Variants in FECH observed in about 807,000 individuals in gnomAD.
FECH encodes ferrochelatase.
FECH carries 40 observed loss-of-function variants against 56.9 expected under a neutral mutation model. That is an observed-to-expected ratio of 0.70 (90% CI 0.55 to 0.92). FECH has a LOEUF of 0.92. FECH is among the 40% of genes least tolerant of loss of function. The pLI is 0.00. For missense variants in FECH, 431 were observed against 529.1 expected, an observed-to-expected ratio of 0.81 and a Z score of 1.82; for synonymous variants, 175 against 198.6, an observed-to-expected ratio of 0.88 and a Z score of 1.00.
At chr18:57,555,017 A>C (rs542677284) in intron 7 of FECH, 65 bp from the exon 8 acceptor site, 1 of 1,232,562 alleles carries the variant, frequency 8.1e-7, no homozygotes, top group African/African-American at 1.5e-5. Context: ...GCCTCTGACT[A>C]TGTGCTGACA....
In FECH at chr18:57,586,652, C is replaced by A; in HGVS notation, c.-32G>T. On this transcript the variant is annotated 5_prime_UTR_variant, in exon 1 of 11. Transcript: ENST00000262093. ...GGCAGCCTCGGCCCGAGTCCGGGCT[C>A]CTCCCGCGGCGGCGCGCCCAGGTGT... The A allele has an allele frequency of 1.3e-6, 2 of 1,489,068 alleles. No homozygotes were observed. The highest frequency in any genetic ancestry group is 1.3e-5 in the South Asian group (1 of 79,800). The allele number at this position is 1,489,068 out of a possible 1,614,324, so 92.2% of individuals were successfully genotyped here. A position where few individuals can be genotyped will look rare whatever the true frequency, so the allele number is the denominator to read the frequency against.
rs1222775703 is a variant in FECH, at chr18:57,547,743, C to A, written c.*2969G>T. Among the ~76,000 whole-genome samples the A allele has an allele frequency of 1.3e-5, 2 of 152,122 alleles. No homozygotes were observed. Among genetic ancestry groups the A allele is most frequent in the Non-Finnish European group, 2.9e-5 (2 of 68,018 alleles). On this transcript the variant is annotated 3_prime_UTR_variant, in exon 11 of 11. Coordinates refer to ENST00000262093, the MANE Select transcript of FECH (RefSeq NM_000140.5). Reference sequence around the variant, plus strand: ...AAACTGCTGGGCTCAAGCAATCCTACCACCTCAGCCTCCTAAGTAGCTGGA... The same window carrying A: ...AAACTGCTGGGCTCAAGCAATCCTAACACCTCAGCCTCCTAAGTAGCTGGA...
At chr18:57,574,769 G>A (rs76631345) in intron 2 of FECH, among the ~76,000 whole-genome samples, 81 of 152,312 alleles carry the variant, frequency 5.3e-4, no homozygotes, top group African/African-American at 1.9e-3. Context: ...CAATAACTGG[G>A]GAACTAAAGA....
intron 3 of FECH, among the ~76,000 whole-genome samples, chr18:57,571,844 G>GT (rs1252396167): frequency 6.6e-6 from 1 of 152,144 alleles, no homozygotes; most frequent in Non-Finnish European, 1.5e-5. Flanking sequence ...AGCTACTAGC[G>GT]TAACACATTT....
At position 57,550,342 on chromosome 18, in the gene FECH, G is replaced by T; in HGVS notation, c.*370C>A. On this transcript the variant is annotated 3_prime_UTR_variant, in exon 11 of 11. Transcript: ENST00000262093. ...AGACTAAACAGATCTCATTCACACT[G>T]CCAGCCCACAGAGGGGACTCTCCGT... 1 of 236,244 alleles carries T rather than the reference G, an allele frequency of 4.2e-6. No homozygotes were observed. The highest frequency in any genetic ancestry group is 8.5e-6 in the Non-Finnish European group (1 of 117,840). 14.6% of individuals were successfully genotyped at this position (236,244 alleles called of 1,614,324 possible). A position where few individuals can be genotyped will look rare whatever the true frequency, so the allele number is the denominator to read the frequency against.
At chr18:57,571,306 A>G in intron 4 of FECH, 86 bp downstream of exon 4, 1 of 1,395,750 alleles carries the variant, frequency 7.2e-7, no homozygotes, top group Non-Finnish European at 1.0e-6. Flanking sequence ...GTACATATGA[A>G]GCATTTAGCA....
chr18:57,555,012 T>G, intron 7 of FECH, 60 bp from the exon 8 acceptor site: 1 of 1,323,122 alleles, frequency 7.6e-7, no homozygotes. Flanking sequence ...CGAGAGCCTC[T>G]GACTATGTGC....
intron 2 of FECH, among the ~76,000 whole-genome samples, chr18:57,575,308 T>A (rs1248154540): frequency 6.6e-6 from 1 of 152,090 alleles, no homozygotes; most frequent in Non-Finnish European, 1.5e-5. Flanking sequence ...CGCTGAGGGG[T>A]CTACTTCCTG....
intron 5 of FECH, among the ~76,000 whole-genome samples, chr18:57,563,969 C>T (rs905024642): frequency 2.6e-5 from 4 of 152,182 alleles, no homozygotes; most frequent in Non-Finnish European, 4.4e-5. Context: ...ACCTCCAACT[C>T]TTGGGTTCAA....
chr18:57,579,313 G>GTGTGTGTATATA lies in FECH; in HGVS notation c.194+759_194+760insTATATACACACA, dbSNP rs531089366. 2.0e-3 allele frequency among the ~76,000 whole-genome samples: 294 copies of GTGTGTGTATATA among 143,810 alleles called. 1 individual carries two copies. Among genetic ancestry groups the GTGTGTGTATATA allele is most frequent in the African/African-American group, 7.1e-3 (270 of 38,078 alleles). 94.3% of individuals were successfully genotyped at this position (143,810 alleles called of 152,430 possible). On this transcript the variant is annotated intron_variant, in intron 2 of 10. Coordinates refer to ENST00000262093, the MANE Select transcript of FECH (RefSeq NM_000140.5). ...TATGTGTGTGTGTGTGTGTGTGTGT[G>GTGTGTGTATATA]TATATATTCATACCTGTATAATTTT...
intron 4 of FECH, among the ~76,000 whole-genome samples, chr18:57,568,763 T>C (rs987602409): frequency 1.3e-5 from 2 of 152,244 alleles, no homozygotes. Flanking sequence ...TAATTTAGCA[T>C]GTACAATAGT....
chr18:57,553,176 T>C (rs1465495170), intron 9 of FECH, among the ~76,000 whole-genome samples: 1 of 152,228 alleles, frequency 6.6e-6, no homozygotes, highest in South Asian at 2.1e-4. Context: ...GCCAAGCTCA[T>C]AGTGAGATAC....
At chr18:57,551,771 T>C (rs2050801565) in intron 9 of FECH, among the ~76,000 whole-genome samples, 1 of 152,240 alleles carries the variant, frequency 6.6e-6, no homozygotes, top group South Asian at 2.1e-4. Flanking sequence ...TATAGTTTCA[T>C]ACTTGTTTTG....
intron 9 of FECH, among the ~76,000 whole-genome samples, chr18:57,551,717 T>C (rs980764627): frequency 6.6e-6 from 1 of 152,222 alleles, no homozygotes. Context: ...CTTTTGCTAG[T>C]GCATAATTTT....
intron 4 of FECH, among the ~76,000 whole-genome samples, chr18:57,568,334 G>C (rs35555052): frequency 0.22 from 32,863 of 152,142 alleles, 3,826 homozygotes; most frequent in Non-Finnish European, 0.26. Context: ...ATAAAGACAA[G>C]GGCAGGTGGC....
chr18:57,585,419 G>A (rs1378637918), intron 1 of FECH, among the ~76,000 whole-genome samples: 1 of 152,056 alleles, frequency 6.6e-6, no homozygotes, highest in African/African-American at 2.4e-5. Context: ...TCAAATCTAG[G>A]ACCTGTCAGA....
At chr18:57,556,158 CAA>C (rs2050865137) in intron 7 of FECH, among the ~76,000 whole-genome samples, 1 of 151,958 alleles carries the variant, frequency 6.6e-6, no homozygotes, top group Non-Finnish European at 1.5e-5. Flanking sequence ...TATATACTGA[CAA>C]ATTATTTTAT....
rs1296447007 is a variant in FECH, at chr18:57,546,160, C to T, written c.*4552G>A. On this transcript the variant is annotated 3_prime_UTR_variant, in exon 11 of 11. Transcript: ENST00000262093. ...TAACGTTAGGAGCCCTGTTCCTGGG[C>T]CACCTTCAGGATTCTGGCAGAAGGG... is the stretch of plus-strand genomic sequence containing the variant. Among the ~76,000 whole-genome samples the T allele has an allele frequency of 4.6e-5, 7 of 152,126 alleles. No individual in the cohort carries two copies. The highest frequency in any genetic ancestry group is 3.9e-4 in the Admixed American group (6 of 15,278).
At position 57,586,666 on chromosome 18, in the gene FECH, G is replaced by A. The variant is rs1407412455; in HGVS notation, c.-46C>T. 2 of 1,474,700 alleles carry A rather than the reference G, an allele frequency of 1.4e-6. No individual in the cohort carries two copies. Among genetic ancestry groups the A allele is most frequent in the Non-Finnish European group, 1.8e-6 (2 of 1,114,626 alleles). 91.4% of individuals were successfully genotyped at this position (1,474,700 alleles called of 1,614,324 possible). On this transcript the variant is annotated 5_prime_UTR_variant, in exon 1 of 11. Coordinates refer to ENST00000262093, the MANE Select transcript of FECH (RefSeq NM_000140.5). ...GAGTCCGGGCTCCTCCCGCGGCGGC[G>A]CGCCCAGGTGTCCGCCCAGCAGTGG...
Sources: allele counts gnomAD v4.1 joint callset (sites outside exome capture counted in the v4.1 genomes callset), GRCh38; gene constraint gnomAD v4.1.1; transcripts MANE v1.5; gene names NCBI Gene and HGNC (gene_info 2026-07-23, HGNC 2026-07-21).